The following PRKAG1 variants were observed in gnomAD, a reference collection of about 807,000 sequenced individuals.
The protein encoded by PRKAG1 is protein kinase AMP-activated non-catalytic subunit gamma 1.
Under a neutral mutation model 48.2 loss-of-function variants are expected in PRKAG1, and 27 were observed. That is an observed-to-expected ratio of 0.56 (90% confidence interval 0.41 to 0.77). The LOEUF (loss-of-function observed/expected upper bound fraction) is 0.77. Ranked by LOEUF, PRKAG1 falls within the 30% of genes least tolerant of loss-of-function variation. PRKAG1 has a pLI of 0.00. For synonymous variants in PRKAG1, 130 were observed against 147.7 expected, an observed-to-expected ratio of 0.88 and a Z score of 0.87; for missense variants, 287 against 398.3, an observed-to-expected ratio of 0.72 and a Z score of 2.38.
chr12:49,005,951 G>T lies in PRKAG1; in HGVS notation c.59-99C>A, dbSNP rs1189132008. 3.4e-6 allele frequency: 3 copies of T among 887,654 alleles called. No individual in the cohort carries two copies. The highest frequency in any genetic ancestry group is 5.2e-6 in the Non-Finnish European group (3 of 578,230). The allele number at this position is 887,654 out of a possible 1,614,324, so 55.0% of individuals were successfully genotyped here. On this transcript the variant is annotated intron_variant, in intron 2 of 11. Coordinates refer to ENST00000548065, the MANE Select transcript of PRKAG1 (RefSeq NM_002733.5). The surrounding 1 kb of genome is among the most constrained non-coding windows in gnomAD (Gnocchi z 4.1). ...AGTGTTCTAGTATCTCAAATATTTA[G>T]AGCATTATTTTTTAATAAGACCCCT...
chr12:49,011,158 C>A (rs1198376859), intron 2 of PRKAG1, among the ~76,000 whole-genome samples: 4 of 152,060 alleles, frequency 2.6e-5, no homozygotes, highest in Non-Finnish European at 5.9e-5. Context: ...TACCAATCTA[C>A]CGTCTTTAAC....
intron 2 of PRKAG1, among the ~76,000 whole-genome samples, chr12:49,007,977 A>G (rs1438712235): frequency 6.6e-6 from 1 of 151,014 alleles, no homozygotes; most frequent in African/African-American, 2.4e-5. Flanking sequence ...CTCCTGCCTC[A>G]GCCTCGCAAG....
intron 2 of PRKAG1, among the ~76,000 whole-genome samples, chr12:49,011,606 C>A (rs1358462189): frequency 6.6e-6 from 1 of 151,012 alleles, no homozygotes; most frequent in African/African-American, 2.4e-5. Flanking sequence ...GGCTGGAGTA[C>A]AATGGCATGA....
chr12:49,007,533 A>C (rs556025453), intron 2 of PRKAG1, among the ~76,000 whole-genome samples: 11 of 152,306 alleles, frequency 7.2e-5, no homozygotes, highest in African/African-American at 2.4e-4. Context: ...CAGTTAAATC[A>C]GTCCAACAGT....
At chr12:49,012,802 G>A in intron 2 of PRKAG1, 3 of 475,534 alleles carry the variant, frequency 6.3e-6, no homozygotes, top group Non-Finnish European at 1.1e-5. Flanking sequence ...CCAGCCCAGA[G>A]TTGCCTATGG....
intron 1 of PRKAG1, 98 bp from the exon 2 acceptor site, chr12:49,013,208 T>G: frequency 8.7e-7 from 1 of 1,151,926 alleles, no homozygotes; most frequent in Non-Finnish European, 1.3e-6. Context: ...ATGACTTTCT[T>G]TAAAGCACTA....
At chr12:49,011,007 T>C (rs1941737003) in intron 2 of PRKAG1, among the ~76,000 whole-genome samples, 1 of 151,994 alleles carries the variant, frequency 6.6e-6, no homozygotes, top group Admixed American at 6.6e-5. Context: ...CATGCCTGGC[T>C]AATTTTTATA....
chr12:49,005,419 C>T lies in PRKAG1; in HGVS notation c.250+43G>A. 1 of 1,614,070 alleles carries T rather than the reference C, an allele frequency of 6.2e-7. No individual in the cohort carries two copies. The highest frequency in any genetic ancestry group is 8.5e-7 in the Non-Finnish European group (1 of 1,180,030). The stretch of plus-strand genomic sequence containing the variant: ...GCCTGAAGCTTGTCTCCCTGCCCAG[C>T]ACAAGATGCCAATAATATTGTGTTC... On this transcript the variant is annotated intron_variant, in intron 4 of 11. Transcript: ENST00000548065. This position sits in a 1 kb window ranked among gnomAD's most constrained non-coding sequence, Gnocchi z 4.1.
At chr12:49,004,679 G>A (rs1941446056) in intron 7 of PRKAG1, 46 bp from the exon 8 acceptor site, 1 of 1,613,258 alleles carries the variant, frequency 6.2e-7, no homozygotes. Flanking sequence ...CTGGGGCTGG[G>A]GGTGATTAAA....
rs144024522 is a variant in PRKAG1 at position 49,004,796 on chromosome 12, TGA to T, written c.411-165_411-164del. 8.3e-3 allele frequency: 8,548 copies of T among 1,031,806 alleles called. 15 individuals carry two copies. The highest frequency in any genetic ancestry group is 8.9e-3 in the Non-Finnish European group (6,618 of 739,602). 63.9% of individuals were successfully genotyped at this position (1,031,806 alleles called of 1,614,324 possible). A position where few individuals can be genotyped will look rare whatever the true frequency, so the allele number is the denominator to read the frequency against. On this transcript the variant is annotated intron_variant, in intron 7 of 11. Coordinates refer to ENST00000548065, the MANE Select transcript of PRKAG1 (RefSeq NM_002733.5). The stretch of plus-strand genomic sequence containing the variant: ...AAGAGAGAGAGAGAGAGAGTGAGAA[TGA>T]GAGAGAGAGAGAGACTGTGTGTGTG...
At chr12:49,010,320 G>C (rs1345366897) in intron 2 of PRKAG1, among the ~76,000 whole-genome samples, 1 of 152,168 alleles carries the variant, frequency 6.6e-6, no homozygotes, top group Non-Finnish European at 1.5e-5. Context: ...CATTTGGATA[G>C]GGAACATTCA....
intron 2 of PRKAG1, chr12:49,012,789 T>C (rs1941810997): frequency 2.2e-6 from 1 of 451,924 alleles, no homozygotes; most frequent in Non-Finnish European, 4.0e-6. Flanking sequence ...TAAAACATGG[T>C]AGCCAGCCCA....
intron 1 of PRKAG1, chr12:49,018,366 C>A: frequency 1.0e-6 from 1 of 956,984 alleles, no homozygotes; most frequent in Non-Finnish European, 1.3e-6. Context: ...ACGCCCCGTG[C>A]CTCACCCAGC....
At position 49,004,608 on chromosome 12, in the gene PRKAG1, T is replaced by A. The variant is rs1156300995; in HGVS notation, c.436A>T (p.Ile146Phe). The A allele has an allele frequency of 6.2e-7, 1 of 1,613,960 alleles. No individual in the cohort carries two copies. Among genetic ancestry groups the A allele is most frequent in the African/African-American group, 1.3e-5 (1 of 74,908 alleles). Residue 146 changes from isoleucine (I) to phenylalanine (F), a missense_variant, in exon 8 of 12, where the codon ATT becomes TTT. Around this residue, in one of 2 missense-constraint regions of PRKAG1, gnomAD observed 224 missense variants for 344.3 expected, o/e 0.65. Coordinates refer to ENST00000548065, the MANE Select transcript of PRKAG1 (RefSeq NM_002733.5). The part of the protein sequence containing the change: ...ASLFDAVSSL[I>F]RNKIHRLPVI... The stretch of plus-strand genomic sequence containing the variant: ...GGCAGCCTGTGGATCTTGTTCCGAA[T>A]TAATGAAGAGACAGCATCAAACAAG...
rs1739761002 is a variant in PRKAG1 at position 49,005,971 on chromosome 12, AC to A, written c.59-120del. The A allele has an allele frequency of 6.8e-6, 5 of 731,698 alleles. No homozygotes were observed. Among genetic ancestry groups the A allele is most frequent in the Non-Finnish European group, 1.1e-5 (5 of 451,414 alleles). The allele number at this position is 731,698 out of a possible 1,614,324, so 45.3% of individuals were successfully genotyped here. On this transcript the variant is annotated intron_variant, in intron 2 of 11. Transcript: ENST00000548065. This position sits in a 1 kb window ranked among gnomAD's most constrained non-coding sequence, Gnocchi z 4.1. The stretch of plus-strand genomic sequence containing the variant: ...ATTTAGAGCATTATTTTTTAATAAG[AC>A]CCCTTATTTTATCTGTCTTGTTCCT...
chr12:49,012,499 C>G (rs1331950179), intron 2 of PRKAG1: 1 of 152,260 alleles, frequency 6.6e-6, no homozygotes, highest in East Asian at 1.9e-4. Context: ...TTCAGCCTCC[C>G]AAGTAGCTGG....
rs1281097140 is a variant in PRKAG1 at position 49,004,456 on chromosome 12, C to CA, written c.537+50dup. 4 of 1,591,762 alleles carry CA rather than the reference C, an allele frequency of 2.5e-6. No homozygotes were observed. The South Asian group carries it at 4.4e-5, about 18-fold the overall frequency. Reference sequence around the variant, plus strand: ...TCGTCTCTCTTTTCAATCAATCAATCAATCAATCAATGAAAAAAGAGAAAA... The same window carrying CA: ...TCGTCTCTCTTTTCAATCAATCAATCAAATCAATCAATGAAAAAAGAGAAAA... On this transcript the variant is annotated intron_variant, in intron 8 of 11. Transcript: ENST00000548065.
At chr12:49,003,966 C>T (rs754675102) in intron 8 of PRKAG1, 44 bp from the exon 9 acceptor site, 1 of 1,554,088 alleles carries the variant, frequency 6.4e-7, no homozygotes, top group Admixed American at 1.9e-5. Flanking sequence ...CACCCAAAGC[C>T]ACCCTTGGAT....
intron 10 of PRKAG1, 116 bp downstream of exon 10, chr12:49,003,442 C>A: frequency 6.5e-7 from 1 of 1,533,016 alleles, no homozygotes; most frequent in South Asian, 1.2e-5. Flanking sequence ...GATTTGAAAG[C>A]CTGGAAGCTT....
Sources: gnomAD v4.1 joint callset for allele counts (sites outside exome capture counted in the v4.1 genomes callset) on GRCh38, gnomAD v4.1.1 for gene constraint, gnomAD v4.1.1 regional missense constraint, Gnocchi (gnomAD v3.1) non-coding constraint, MANE v1.5 for transcripts, NCBI Gene and HGNC (gene_info 2026-07-23, HGNC 2026-07-21) for gene names.